NHERF1: variants seen among roughly 807,000 people sequenced by gnomAD.
NHERF1 encodes NHERF family PDZ scaffold protein 1, also known as Na(+)/H(+) exchange regulatory cofactor NHE-RF1.
the NHERF1 span, among the ~76,000 whole-genome samples, chr17:74,753,816 T>C: frequency 2.0e-5 from 3 of 151,828 alleles, no homozygotes; most frequent in Non-Finnish European, 4.4e-5. Context: ...TTCCCAGATG[T>C]CCCATCTCAA....
chr17:74,748,791 C>T, the NHERF1 span: 3 of 1,445,920 alleles, frequency 2.1e-6, no homozygotes, highest in Non-Finnish European at 2.8e-6. The surrounding 1 kb of genome is among the most constrained non-coding windows in gnomAD (Gnocchi z 4.3). Flanking sequence ...GCTGGGCCGT[C>T]CCGTCCCGTC....
chr17:74,754,448 G>A, the NHERF1 span, among the ~76,000 whole-genome samples: 1 of 146,130 alleles, frequency 6.8e-6, no homozygotes, highest in Admixed American at 6.9e-5. Flanking sequence ...TGTTGCCCAG[G>A]CTGGAGTGCA....
At chr17:74,760,839 C>G in the NHERF1 span, among the ~76,000 whole-genome samples, 1 of 152,190 alleles carries the variant, frequency 6.6e-6, no homozygotes, top group Non-Finnish European at 1.5e-5. The surrounding 1 kb of genome is among the most constrained non-coding windows in gnomAD (Gnocchi z 4.5). Flanking sequence ...CATAAATGAC[C>G]TGCCCCAGGT....
At chr17:74,763,571 A>T in the NHERF1 span, 2 of 1,543,660 alleles carry the variant, frequency 1.3e-6, no homozygotes, top group South Asian at 2.4e-5. Context: ...CCCCCAAGTC[A>T]GGGATGTGAG....
chr17:74,763,759 G>A, the NHERF1 span, among the ~76,000 whole-genome samples: 16 of 152,194 alleles, frequency 1.1e-4, no homozygotes, highest in African/African-American at 2.2e-4. Context: ...GCATGAGGTC[G>A]GTGAGAGAGA....
At chr17:74,749,411 G>T in the NHERF1 span, 1 of 974,822 alleles carries the variant, frequency 1.0e-6, no homozygotes, top group African/African-American at 1.7e-5. The surrounding 1 kb of genome is among the most constrained non-coding windows in gnomAD (Gnocchi z 5.6). Flanking sequence ...CTGCGAGGGG[G>T]AGACCGCTTC....
chr17:74,757,589 G>A, the NHERF1 span, among the ~76,000 whole-genome samples: 1 of 151,482 alleles, frequency 6.6e-6, no homozygotes, highest in Non-Finnish European at 1.5e-5. Flanking sequence ...CAGGCTGCCC[G>A]TCACACAGCA....
At chr17:74,748,701 C>G in the NHERF1 span, 1 of 699,614 alleles carries the variant, frequency 1.4e-6, no homozygotes, top group Non-Finnish European at 2.3e-6. This position sits in a 1 kb window ranked among gnomAD's most constrained non-coding sequence, Gnocchi z 4.3. Flanking sequence ...CCGACGGTTC[C>G]TGGGACACCT....
chr17:74,768,887 G>A, the NHERF1 span: 1 of 561,298 alleles, frequency 1.8e-6, no homozygotes, highest in Non-Finnish European at 3.2e-6. Flanking sequence ...TCCTCACTGA[G>A]TGCCTCATCC....
chr17:74,750,665 T>TC, the NHERF1 span, among the ~76,000 whole-genome samples: 2 of 151,150 alleles, frequency 1.3e-5, no homozygotes, highest in East Asian at 3.9e-4. Context: ...TGATCTCCAG[T>TC]CCCAGGCAGA....
the NHERF1 span, chr17:74,768,353 T>C: frequency 7.1e-7 from 1 of 1,417,434 alleles, no homozygotes. Flanking sequence ...CATTCTGTTC[T>C]TGTGACCTGG....
At chr17:74,767,393 C>A in the NHERF1 span, among the ~76,000 whole-genome samples, 1 of 152,146 alleles carries the variant, frequency 6.6e-6, no homozygotes, top group Non-Finnish European at 1.5e-5. Flanking sequence ...GGGTGAGGCC[C>A]GGGGAAGAGA....
chr17:74,762,853 C>T, the NHERF1 span, among the ~76,000 whole-genome samples: 3 of 152,206 alleles, frequency 2.0e-5, no homozygotes, highest in African/African-American at 7.2e-5. This position sits in a 1 kb window ranked among gnomAD's most constrained non-coding sequence, Gnocchi z 4.2. Flanking sequence ...CCACCTCACC[C>T]GGCCCCGAGT....
At chr17:74,749,078 C>A in the NHERF1 span, 1 of 1,590,666 alleles carries the variant, frequency 6.3e-7, no homozygotes, top group Non-Finnish European at 8.5e-7. This position sits in a 1 kb window ranked among gnomAD's most constrained non-coding sequence, Gnocchi z 5.6. Context: ...GGTGGTGAGC[C>A]GCATCCGCGC....
the NHERF1 span, chr17:74,761,977 G>A: frequency 2.5e-6 from 4 of 1,611,754 alleles, no homozygotes; most frequent in Non-Finnish European, 3.4e-6. This position sits in a 1 kb window ranked among gnomAD's most constrained non-coding sequence, Gnocchi z 4.3. Context: ...CTGGGGCACT[G>A]TGGAATAGCC....
the NHERF1 span, among the ~76,000 whole-genome samples, chr17:74,765,939 T>C: frequency 6.6e-6 from 1 of 152,054 alleles, no homozygotes; most frequent in South Asian, 2.1e-4. Context: ...TGGGAAGCGT[T>C]TGGAAAATGT....
chr17:74,753,749 G>T, the NHERF1 span, among the ~76,000 whole-genome samples: 1 of 150,878 alleles, frequency 6.6e-6, no homozygotes, highest in Admixed American at 6.6e-5. Flanking sequence ...GGAGGGGGGT[G>T]AATGGGGGCT....
At chr17:74,768,206 G>A in the NHERF1 span, 6 of 1,613,624 alleles carry the variant, frequency 3.7e-6, no homozygotes, top group South Asian at 4.4e-5. Flanking sequence ...CAGCCCTGGT[G>A]AGATCCGCCT....
At chr17:74,752,484 T>G in the NHERF1 span, among the ~76,000 whole-genome samples, 1 of 152,020 alleles carries the variant, frequency 6.6e-6, no homozygotes, top group Non-Finnish European at 1.5e-5. Flanking sequence ...TTTCCTTTCC[T>G]TCACTTTTTT....
Sources: allele counts gnomAD v4.1 joint callset (sites outside exome capture counted in the v4.1 genomes callset), GRCh38; gene constraint gnomAD v4.1.1; non-coding constraint Gnocchi (gnomAD v3.1); transcripts MANE v1.5; gene names NCBI Gene and HGNC (gene_info 2026-07-23, HGNC 2026-07-21).